The following MPP7 variants were observed in gnomAD, a reference collection of about 807,000 sequenced individuals.
The protein encoded by MPP7 is MAGUK p55 subfamily member 7.
MPP7 carries 60 observed loss-of-function variants against 76.5 expected under a neutral mutation model. The ratio of observed to expected loss-of-function variants is 0.78; its 90% CI spans 0.64 to 0.97. MPP7 has a LOEUF of 0.97. Among genes scored for constraint, MPP7 ranks in the 50% least tolerant of loss-of-function variants. The pLI is 0.00. For missense variants in MPP7, 641 were observed against 694.0 expected (o/e 0.92, Z 0.86); for synonymous variants, 237 against 244.5 (o/e 0.97, Z 0.29).
chr10:28,173,700 G>T (rs541174179), intron 3 of MPP7, among the ~76,000 whole-genome samples: 2 of 152,088 alleles, frequency 1.3e-5, no homozygotes, highest in African/African-American at 2.4e-5. Flanking sequence ...CCATTCTTAA[G>T]TAGCAAATAT....
At chr10:28,287,929 A>G (rs557431860) in intron 1 of MPP7, among the ~76,000 whole-genome samples, 1 of 152,312 alleles carries the variant, frequency 6.6e-6, no homozygotes, top group South Asian at 2.1e-4. Context: ...AGAAATGGCC[A>G]CTTGCAGAGT....
chr10:28,201,329 G>C (rs929947539), intron 3 of MPP7, among the ~76,000 whole-genome samples: 6 of 152,112 alleles, frequency 3.9e-5, no homozygotes, highest in Non-Finnish European at 7.4e-5. Context: ...CTCTTATCAT[G>C]ACAGGCAGCC....
chr10:28,215,045 G>A, intron 2 of MPP7, among the ~76,000 whole-genome samples: 1 of 151,804 alleles, frequency 6.6e-6, no homozygotes, highest in East Asian at 1.9e-4. Context: ...ATCTCACCCA[G>A]GAACAGAAAA....
At chr10:28,154,253 A>G (rs1243653399) in intron 3 of MPP7, among the ~76,000 whole-genome samples, 1 of 152,178 alleles carries the variant, frequency 6.6e-6, no homozygotes, top group African/African-American at 2.4e-5. Context: ...TCATCTCCCT[A>G]GTAGTTTAAA....
At chr10:28,119,176 G>C (rs1213088146) in intron 11 of MPP7, 1 of 493,346 alleles carries the variant, frequency 2.0e-6, no homozygotes, top group East Asian at 1.5e-4. Context: ...TAACTCCAAA[G>C]GGATAGGCTA....
In MPP7 at chr10:28,296,809, T is replaced by G. The variant is rs569199042; in HGVS notation, c.-132+6052A>C. 2.0e-5 allele frequency among the ~76,000 whole-genome samples: 3 copies of G among 152,346 alleles called. No individual in the cohort carries two copies. In the East Asian group the frequency reaches 5.8e-4, roughly 29 times the overall value. Reference sequence around the variant, plus strand: ...GGTTTTTTTGTTTTTGTTTTTTTACTTAAGTATCTGTTCATAGTAGGTAGC... The same window carrying G: ...GGTTTTTTTGTTTTTGTTTTTTTACGTAAGTATCTGTTCATAGTAGGTAGC... On this transcript the variant is annotated intron_variant, in intron 1 of 16. Transcript: ENST00000683449.
At chr10:28,325,675 G>A (rs988114214) in intron 2 of MPP7, among the ~76,000 whole-genome samples, 1 of 151,786 alleles carries the variant, frequency 6.6e-6, no homozygotes, top group Admixed American at 6.6e-5. Context: ...TGTATTTTTA[G>A]TAGAGAGGGG....
chr10:28,100,322 C>A (rs1180929088), intron 11 of MPP7, among the ~76,000 whole-genome samples: 1 of 151,850 alleles, frequency 6.6e-6, no homozygotes, highest in African/African-American at 2.4e-5. Context: ...CTAAATGATG[C>A]TCTCATTATA....
intron 3 of MPP7, among the ~76,000 whole-genome samples, chr10:28,152,570 A>G (rs529484126): frequency 4.7e-4 from 71 of 152,336 alleles, no homozygotes; most frequent in African/African-American, 1.5e-3. Context: ...CGTTTGCCCA[A>G]TATGGTTAGC....
At chr10:28,152,462 A>G (rs1333481851) in intron 3 of MPP7, among the ~76,000 whole-genome samples, 1 of 152,210 alleles carries the variant, frequency 6.6e-6, no homozygotes, top group African/African-American at 2.4e-5. Flanking sequence ...CCAAAAGAAA[A>G]AAATGATTTT....
chr10:28,103,591 C>T (rs377710714), intron 11 of MPP7, among the ~76,000 whole-genome samples: 26 of 152,156 alleles, frequency 1.7e-4, no homozygotes, highest in African/African-American at 6.0e-4. Context: ...TACTTTTCTT[C>T]TTAGCACTTA....
intron 11 of MPP7, among the ~76,000 whole-genome samples, chr10:28,106,231 C>A (rs73606060): frequency 6.6e-6 from 1 of 152,122 alleles, no homozygotes; most frequent in Admixed American, 6.5e-5. Context: ...TTTTCTCTAA[C>A]GGAATTGATC....
chr10:28,251,788 A>G (rs1409330992), intron 1 of MPP7, among the ~76,000 whole-genome samples: 1 of 151,944 alleles, frequency 6.6e-6, no homozygotes, highest in East Asian at 1.9e-4. Flanking sequence ...CAGGCAGGAT[A>G]GCACACACCT....
chr10:28,301,278 A>C (rs1841149076), intron 1 of MPP7, among the ~76,000 whole-genome samples: 1 of 152,204 alleles, frequency 6.6e-6, no homozygotes, highest in Admixed American at 6.5e-5. Context: ...TATTCAATTC[A>C]AAAAAAGGTA....
chr10:28,311,835 A>G (rs77701049), intron 2 of MPP7, among the ~76,000 whole-genome samples: 3,011 of 152,194 alleles, frequency 0.02, 91 homozygotes, highest in African/African-American at 0.069. Context: ...CCTCTTGCCC[A>G]TGTCTAGAAA....
Position 28,290,535 on chromosome 10 carries a change from C to T in MPP7, c.-132+12326G>A, listed in dbSNP as rs139697098. Among the ~76,000 whole-genome samples, 14 of 152,244 alleles carry T rather than the reference C, an allele frequency of 9.2e-5. 1 individual carries two copies. The East Asian group carries it at 2.7e-3, about 29-fold the overall frequency. On this transcript the variant is annotated intron_variant, in intron 1 of 16. Transcript: ENST00000683449. Reference sequence around the variant, plus strand: ...TTGCGCAGGCTGGAGTGCAATGGCACAATCTCGACTCACTGAAACCTCTGC... The same window carrying T: ...TTGCGCAGGCTGGAGTGCAATGGCATAATCTCGACTCACTGAAACCTCTGC...
At chr10:28,057,686 T>A in intron 15 of MPP7, 1 of 1,236,100 alleles carries the variant, frequency 8.1e-7, no homozygotes, top group Non-Finnish European at 1.0e-6. Context: ...AACAAGGGAC[T>A]AACACAGTGC....
intron 3 of MPP7, among the ~76,000 whole-genome samples, chr10:28,200,634 T>C (rs1837740710): frequency 6.6e-6 from 1 of 152,222 alleles, no homozygotes; most frequent in Non-Finnish European, 1.5e-5. Flanking sequence ...GTCTTTAGCG[T>C]GCTACGATAA....
chr10:28,316,570 T>G (rs1258591405), intron 2 of MPP7, among the ~76,000 whole-genome samples: 1 of 151,682 alleles, frequency 6.6e-6, no homozygotes, highest in Non-Finnish European at 1.5e-5. Context: ...GCAATATGTT[T>G]ATAGTAAGGG....
Sources: allele counts gnomAD v4.1 joint callset (sites outside exome capture counted in the v4.1 genomes callset), GRCh38; gene constraint gnomAD v4.1.1; transcripts MANE v1.5; gene names NCBI Gene and HGNC (gene_info 2026-07-23, HGNC 2026-07-21).